Variants in JAM2 observed in about 807,000 individuals in gnomAD.
JAM2 encodes the protein junctional adhesion molecule 2.
In JAM2, 17 loss-of-function variants were observed where a neutral mutation model predicts 42.0. That is an observed-to-expected ratio of 0.40 (90% CI 0.28 to 0.61). The LOEUF is 0.61. Among genes scored for constraint, JAM2 ranks in the 20% least tolerant of loss-of-function variants. The probability of loss-of-function intolerance (pLI) is 0.37; values close to 1 mark genes in which losing one functional copy is unlikely to be tolerated. For missense variants in JAM2, 319 were observed against 358.3 expected, an observed-to-expected ratio of 0.89 and a Z score of 0.89; for synonymous variants, 118 against 128.6, an observed-to-expected ratio of 0.92 and a Z score of 0.56.
At chr21:25,706,778 C>T (rs557066045) in intron 7 of JAM2, among the ~76,000 whole-genome samples, 4 of 152,146 alleles carry the variant, frequency 2.6e-5, no homozygotes, top group African/African-American at 9.6e-5. Flanking sequence ...CTCACTGTGT[C>T]GCCCAGGCTG....
chr21:25,698,830 C>T lies in JAM2; in HGVS notation c.548C>T (p.Ser183Phe), dbSNP rs73897031. 1,738 of 1,614,140 alleles carry T rather than the reference C, an allele frequency of 1.1e-3. 19 individuals carry two copies. The African/African-American group carries it at 0.019, about 18-fold the overall frequency. Residue 183 changes from serine (S) to phenylalanine (F), a missense_variant, in exon 5 of 10, where the codon TCC becomes TTC. By Grantham distance (155) the Ser-to-Phe change is radical. Transcript: ENST00000480456. ...TTGCTAGAAAATCCCAGACTTGGCT[C>T]CCAAAGCACCAACAGCTCATACACA... is the stretch of plus-strand genomic sequence containing the variant. ...IRLLENPRLG[S>F]QSTNSSYTMN...
chr21:25,703,072 G>C (rs192929025), intron 6 of JAM2, among the ~76,000 whole-genome samples: 1 of 152,130 alleles, frequency 6.6e-6, no homozygotes, highest in Non-Finnish European at 1.5e-5. Flanking sequence ...GGCTGCTCTC[G>C]AACTCCTGAC....
In JAM2 at chr21:25,715,300, C is replaced by T. The variant is rs887203418; in HGVS notation, c.*628C>T. The T allele has an allele frequency of 2.6e-5, 4 of 152,218 alleles. No individual in the cohort carries two copies. Among genetic ancestry groups the T allele is most frequent in the African/African-American group, 9.6e-5 (4 of 41,456 alleles). The allele number at this position is 152,218 out of a possible 1,614,324, so 9.4% of individuals were successfully genotyped here. A position where few individuals can be genotyped will look rare whatever the true frequency, so the allele number is the denominator to read the frequency against. ...GGCTGGAGCCCACAGGTGTGCACCA[C>T]AGGATTTGCCTGGTGTGTGTCACTG... On this transcript the variant is annotated 3_prime_UTR_variant, in exon 10 of 10. Transcript: ENST00000480456.
At chr21:25,669,778 A>G (rs2033313908) in intron 1 of JAM2, among the ~76,000 whole-genome samples, 1 of 152,248 alleles carries the variant, frequency 6.6e-6, no homozygotes, top group African/African-American at 2.4e-5. Flanking sequence ...GTTTCCATCT[A>G]TAATGAAGAC....
intron 1 of JAM2, among the ~76,000 whole-genome samples, chr21:25,641,517 G>A (rs974922278): frequency 6.6e-6 from 1 of 152,016 alleles, no homozygotes; most frequent in Non-Finnish European, 1.5e-5. Context: ...ATTTGGAAGT[G>A]TTGTGGGGAC....
chr21:25,690,625 G>C (rs2033859508), intron 3 of JAM2, among the ~76,000 whole-genome samples: 1 of 152,088 alleles, frequency 6.6e-6, no homozygotes, highest in Non-Finnish European at 1.5e-5. Flanking sequence ...TGGAATTACA[G>C]GTGTGAGCCA....
intron 1 of JAM2, 71 bp downstream of exon 1, chr21:25,639,959 G>A (rs2032383100): frequency 3.5e-6 from 4 of 1,138,860 alleles, no homozygotes; most frequent in Non-Finnish European, 2.5e-6. Context: ...CCCCCACGGG[G>A]CGCTGGCTGA....
intron 1 of JAM2, among the ~76,000 whole-genome samples, chr21:25,683,253 C>G (rs2033678301): frequency 6.6e-6 from 1 of 152,122 alleles, no homozygotes; most frequent in Non-Finnish European, 1.5e-5. Context: ...CGTCATGTAA[C>G]TATTAGATCA....
At chr21:25,683,023 A>G (rs1407324082) in intron 1 of JAM2, among the ~76,000 whole-genome samples, 2 of 152,076 alleles carry the variant, frequency 1.3e-5, no homozygotes, top group African/African-American at 4.8e-5. Flanking sequence ...ATATAGGTAC[A>G]GGACAGGGGC....
intron 1 of JAM2, among the ~76,000 whole-genome samples, chr21:25,648,590 T>C (rs1008971295): frequency 6.6e-6 from 1 of 152,204 alleles, no homozygotes; most frequent in African/African-American, 2.4e-5. Flanking sequence ...AATTTCTCCC[T>C]GAAGGTCTAA....
intron 1 of JAM2, among the ~76,000 whole-genome samples, chr21:25,667,788 C>T (rs763861194): frequency 9.2e-5 from 14 of 151,950 alleles, no homozygotes; most frequent in Non-Finnish European, 1.8e-4. Context: ...GGATTATTAA[C>T]AAAAATTAGT....
At chr21:25,675,599 G>A (rs1447595460) in intron 1 of JAM2, among the ~76,000 whole-genome samples, 2 of 146,082 alleles carry the variant, frequency 1.4e-5, no homozygotes, top group South Asian at 2.3e-4. Flanking sequence ...AAGGAAAGAA[G>A]GAAGGAAGGA....
intron 3 of JAM2, 44 bp from the exon 4 acceptor site, chr21:25,693,712 C>T: frequency 6.6e-7 from 1 of 1,521,968 alleles, no homozygotes; most frequent in Non-Finnish European, 9.1e-7. Flanking sequence ...ACACAGAAAG[C>T]TACTTGGATT....
chr21:25,699,722 C>CAAAAAAA (rs59490509), intron 5 of JAM2, among the ~76,000 whole-genome samples: 3 of 41,944 alleles, frequency 7.2e-5, no homozygotes, highest in Non-Finnish European at 9.2e-5. Context: ...GGCTCCGTCT[C>CAAAAAAA]AAAAAAAAAA....
intron 1 of JAM2, among the ~76,000 whole-genome samples, chr21:25,667,546 CT>C (rs2033254729): frequency 6.6e-6 from 1 of 152,176 alleles, no homozygotes; most frequent in African/African-American, 2.4e-5. Flanking sequence ...CTGTGCCTAA[CT>C]TATAAATTAA....
At chr21:25,651,465 C>T (rs2032780110) in intron 1 of JAM2, among the ~76,000 whole-genome samples, 2 of 152,214 alleles carry the variant, frequency 1.3e-5, no homozygotes, top group Admixed American at 6.5e-5. Context: ...TGGAAATAGG[C>T]ATTCTACATA....
chr21:25,670,258 T>A (rs2123346435), intron 1 of JAM2, among the ~76,000 whole-genome samples: 1 of 152,166 alleles, frequency 6.6e-6, no homozygotes, highest in South Asian at 2.1e-4. Context: ...CCGAGGTAGG[T>A]AGGTCCCTTG....
intron 7 of JAM2, 50 bp downstream of exon 7, chr21:25,706,136 G>T (rs1048206312): frequency 9.0e-7 from 1 of 1,113,660 alleles, no homozygotes; most frequent in East Asian, 2.4e-5. Context: ...TGGCTATGGA[G>T]TTTATTTATG....
At chr21:25,709,358 C>A in intron 7 of JAM2, 76 bp from the exon 8 acceptor site, 2 of 777,458 alleles carry the variant, frequency 2.6e-6, no homozygotes, top group South Asian at 2.4e-5. Context: ...AAATTAAACC[C>A]AAACTCATTT....
Sources: allele counts gnomAD v4.1 joint callset (sites outside exome capture counted in the v4.1 genomes callset), GRCh38; gene constraint gnomAD v4.1.1; transcripts MANE v1.5; gene names NCBI Gene and HGNC (gene_info 2026-07-23, HGNC 2026-07-21).